Variants in LIMCH1 observed in about 807,000 individuals in gnomAD.
LIMCH1 encodes the protein LIM and calponin homology domains-containing protein 1.
A neutral mutation model predicts 176.5 loss-of-function variants in LIMCH1; 113 were observed. That is an observed-to-expected ratio of 0.64 (90% CI 0.55 to 0.75). The LOEUF (loss-of-function observed/expected upper bound fraction) is 0.75, where lower values mean the gene tolerates loss of function less well. Among genes scored for constraint, LIMCH1 ranks in the 30% least tolerant of loss-of-function variants. LIMCH1 has a pLI of 0.00. For synonymous variants in LIMCH1, 619 were observed against 645.9 expected (o/e 0.96, Z 0.63); for missense variants, 1,674 against 1,814.9 (o/e 0.92, Z 1.41).
intron 2 of LIMCH1, among the ~76,000 whole-genome samples, chr4:41,498,838 C>T (rs2072690065): frequency 6.6e-6 from 1 of 151,074 alleles, no homozygotes; most frequent in South Asian, 2.1e-4. Context: ...AGATAAGAGT[C>T]TATAGGATCA....
Position 41,697,457 on chromosome 4 carries a change from A to G in LIMCH1, c.*272A>G, listed in dbSNP as rs963587163. On this transcript the variant is annotated 3_prime_UTR_variant, in exon 32 of 32. Coordinates refer to ENST00000503057, the MANE Select transcript of LIMCH1 (RefSeq NM_001330672.2). ...TGAATAGCTCAAAAAAGGTTTTAGC[A>G]TGGTCAAACAGGCTTATGGTTTAAA... 2 of 407,610 alleles carry G rather than the reference A, an allele frequency of 4.9e-6. No individual in the cohort carries two copies. The highest frequency in any genetic ancestry group is 3.5e-5 in the East Asian group (1 of 28,304). 25.2% of individuals were successfully genotyped at this position (407,610 alleles called of 1,614,324 possible).
intron 1 of LIMCH1, among the ~76,000 whole-genome samples, chr4:41,539,595 G>T (rs142191104): frequency 6.6e-6 from 1 of 152,130 alleles, no homozygotes. Flanking sequence ...TCTAATCATC[G>T]GGCAGAGAGG....
At chr4:41,581,564 T>TG in intron 1 of LIMCH1, among the ~76,000 whole-genome samples, 1 of 152,168 alleles carries the variant, frequency 6.6e-6, no homozygotes, top group Non-Finnish European at 1.5e-5. Flanking sequence ...CCCAGCACTT[T>TG]GGGAGGCCAA....
chr4:41,560,158 G>A (rs1399183552), intron 1 of LIMCH1, among the ~76,000 whole-genome samples: 1 of 152,000 alleles, frequency 6.6e-6, no homozygotes, highest in Non-Finnish European at 1.5e-5. Flanking sequence ...AATTCTTATA[G>A]CCAGCATCCT....
intron 1 of LIMCH1, among the ~76,000 whole-genome samples, chr4:41,428,710 A>G (rs2061336351): frequency 1.3e-5 from 2 of 152,172 alleles, no homozygotes; most frequent in Non-Finnish European, 2.9e-5. Flanking sequence ...TTTTTAGTGG[A>G]GTGCTGTGAG....
At chr4:41,631,569 A>G in intron 10 of LIMCH1, 92 bp downstream of exon 10, 1 of 1,069,824 alleles carries the variant, frequency 9.3e-7, no homozygotes, top group Non-Finnish European at 1.3e-6. Context: ...AAGCCCCTAG[A>G]GATGACATAG....
At chr4:41,603,148 G>A (rs1292241105) in intron 2 of LIMCH1, among the ~76,000 whole-genome samples, 8 of 152,144 alleles carry the variant, frequency 5.3e-5, no homozygotes, top group African/African-American at 9.7e-5. Context: ...CCTCACCGAA[G>A]TTACTGTGGA....
rs368265182 is a variant in LIMCH1 at position 41,613,708 on chromosome 4, G to A, written c.205+47G>A. ...CTATCCATCTTGAAATTAAACATTT[G>A]CAGGGGCTGCATTGCGCCTGGCAGA... is the stretch of plus-strand genomic sequence containing the variant. On this transcript the variant is annotated intron_variant, in intron 5 of 31. Transcript: ENST00000503057. 43 of 1,544,782 alleles carry A rather than the reference G, an allele frequency of 2.8e-5. No homozygotes were observed. In the African/African-American group the frequency reaches 5.0e-4, roughly 18 times the overall value.
chr4:41,590,406 T>G (rs1050292230), intron 1 of LIMCH1, among the ~76,000 whole-genome samples: 2 of 152,046 alleles, frequency 1.3e-5, no homozygotes, highest in African/African-American at 4.8e-5. Flanking sequence ...AGTAGCCTCT[T>G]AAATGGACCC....
At chr4:41,473,315 T>G (rs1164690394) in intron 1 of LIMCH1, 3 of 372,926 alleles carry the variant, frequency 8.0e-6, no homozygotes, top group Non-Finnish European at 1.1e-5. Context: ...TGTTGCATAA[T>G]GGATGAGGCT....
chr4:41,360,771 C>A, upstream of LIMCH1: 6 of 1,201,018 alleles, frequency 5.0e-6, no homozygotes, highest in Non-Finnish European at 6.8e-6. This position sits in a 1 kb window ranked among gnomAD's most constrained non-coding sequence, Gnocchi z 4.5. Context: ...GGGCGGGGAG[C>A]GCGCTCCTGC....
intron 1 of LIMCH1, among the ~76,000 whole-genome samples, chr4:41,587,624 C>G (rs906419561): frequency 2.6e-5 from 4 of 152,146 alleles, no homozygotes; most frequent in African/African-American, 9.7e-5. Context: ...CATCCCCACC[C>G]TGTGCCCTGC....
chr4:41,598,930 T>C lies in LIMCH1; in HGVS notation c.-230T>C, dbSNP rs1033676904. The stretch of plus-strand genomic sequence containing the variant: ...TTTTTTTCCTTCTAGGACAATATTA[T>C]CTTATTCTTGAGAGGTTGTAAAGAG... On this transcript the variant is annotated 5_prime_UTR_variant, in exon 2 of 32. Transcript: ENST00000503057. The C allele has an allele frequency of 6.2e-7, 1 of 1,601,858 alleles. No homozygotes were observed. The highest frequency in any genetic ancestry group is 8.6e-7 in the Non-Finnish European group (1 of 1,169,464).
At chr4:41,629,861 A>G in intron 9 of LIMCH1, 127 bp downstream of exon 9, 3 of 1,123,908 alleles carry the variant, frequency 2.7e-6, no homozygotes, top group Non-Finnish European at 3.7e-6. Flanking sequence ...AGGCTGGAAT[A>G]TAGTGGCTTG....
intron 1 of LIMCH1, among the ~76,000 whole-genome samples, chr4:41,539,061 G>T (rs2152467065): frequency 6.6e-6 from 1 of 152,324 alleles, no homozygotes; most frequent in African/African-American, 2.4e-5. Context: ...TCTAGGGGAA[G>T]AAAATTTTCC....
At chr4:41,637,333 T>C (rs1319464675) in intron 13 of LIMCH1, among the ~76,000 whole-genome samples, 1 of 152,152 alleles carries the variant, frequency 6.6e-6, no homozygotes, top group Non-Finnish European at 1.5e-5. Flanking sequence ...GGACCACAGG[T>C]GTGCACCACC....
chr4:41,534,363 G>A (rs2077651109), upstream of LIMCH1, among the ~76,000 whole-genome samples: 1 of 152,134 alleles, frequency 6.6e-6, no homozygotes, highest in Non-Finnish European at 1.5e-5. Flanking sequence ...TATTTCAGAG[G>A]TTAAAAAAGG....
chr4:41,362,415 CAG>C (rs2052260365), intron 1 of LIMCH1, among the ~76,000 whole-genome samples: 1 of 152,166 alleles, frequency 6.6e-6, no homozygotes, highest in African/African-American at 2.4e-5. Context: ...CTTATGCTCC[CAG>C]GATACACAGG....
At chr4:41,577,876 A>G (rs531216202) in intron 1 of LIMCH1, among the ~76,000 whole-genome samples, 56 of 152,320 alleles carry the variant, frequency 3.7e-4, no homozygotes, top group African/African-American at 1.3e-3. Context: ...AGTGTATACC[A>G]TAATTCTATT....
Sources: allele counts gnomAD v4.1 joint callset (sites outside exome capture counted in the v4.1 genomes callset), GRCh38; gene constraint gnomAD v4.1.1; non-coding constraint Gnocchi (gnomAD v3.1); transcripts MANE v1.5; gene names NCBI Gene and HGNC (gene_info 2026-07-23, HGNC 2026-07-21).